THSD1: variants seen among roughly 807,000 people sequenced by gnomAD.
The protein encoded by THSD1 is thrombospondin type-1 domain-containing protein 1.
Under a neutral mutation model 46.3 loss-of-function variants are expected in THSD1, and 34 were observed. The ratio of observed to expected loss-of-function variants is 0.74; its 90% CI spans 0.56 to 0.98. The LOEUF is 0.98. Ranked by LOEUF, THSD1 falls within the 50% of genes least tolerant of loss-of-function variation. THSD1 has a pLI of 0.00. For missense variants in THSD1, 1,023 were observed against 1,058.3 expected (o/e 0.97, Z 0.46); for synonymous variants, 407 against 416.5 (o/e 0.98, Z 0.28).
At chr13:52,384,814 G>A (rs1171749246) in intron 4 of THSD1, among the ~76,000 whole-genome samples, 1 of 151,878 alleles carries the variant, frequency 6.6e-6, no homozygotes, top group African/African-American at 2.4e-5. Flanking sequence ...GACTTATAAA[G>A]AAAAGAGCAG....
Position 52,394,881 on chromosome 13 carries a change from A to G in THSD1, c.1021+2351T>C, listed in dbSNP as rs553068342. 7.2e-5 allele frequency among the ~76,000 whole-genome samples: 11 copies of G among 152,322 alleles called. 2 individuals are homozygous for G. In the South Asian group the frequency reaches 2.3e-3, roughly 32 times the overall value. On this transcript the variant is annotated intron_variant, in intron 3 of 4. Coordinates refer to ENST00000258613, the MANE Select transcript of THSD1 (RefSeq NM_018676.4). ...ATTTATAGGGGGAGAAAGATATTAAACAAGCAATGGCAGAAGTGATAAATG... is the reference window on the plus strand; with the variant it reads ...ATTTATAGGGGGAGAAAGATATTAAGCAAGCAATGGCAGAAGTGATAAATG...
At position 52,397,612 on chromosome 13, in the gene THSD1, T is replaced by C; in HGVS notation, c.641A>G (p.Tyr214Cys). The change falls in exon 3 of 5, where the codon TAT becomes TGT. Residue 214 changes from tyrosine (Y) to cysteine (C), a missense_variant. Physicochemically the swap from Tyr to Cys is radical, Grantham distance 194. Coordinates refer to ENST00000258613, the MANE Select transcript of THSD1 (RefSeq NM_018676.4). ...AAGCAGCTTCAGCACCACGGTGACA[T>C]AGGCTTCTGGCCCCAAGGGTGCACA... ...FGCAPLGPEA[Y>C]VTVVLKLLGR... is the part of the protein sequence containing the mutation. 1.2e-6 allele frequency: 2 copies of C among 1,614,174 alleles called. No individual in the cohort carries two copies. The highest frequency in any genetic ancestry group is 1.1e-5 in the South Asian group (1 of 91,082).
rs745814714 is a variant in THSD1, at chr13:52,398,047, T to C, written c.206A>G (p.Asn69Ser). 5.0e-6 allele frequency: 8 copies of C among 1,614,214 alleles called. No homozygotes were observed. Among genetic ancestry groups the C allele is most frequent in the Admixed American group, 1.7e-5 (1 of 60,020 alleles). Residue 69 changes from asparagine (N) to serine (S), a missense_variant, in exon 3 of 5, where the codon AAT (asparagine) becomes AGT (serine). By Grantham distance (46) the Asn-to-Ser change is conservative. Around this residue, in one of 3 missense-constraint regions of THSD1, gnomAD observed 429 missense variants for 518.3 expected, o/e 0.83. Coordinates refer to ENST00000258613, the MANE Select transcript of THSD1 (RefSeq NM_018676.4). ...VSVLLLEANT[N>S]QTVTTKYLLT... is the part of the protein sequence containing the mutation. ...GAGGTACTTGGTAGTTACAGTCTGA[T>C]TGGTGTTGGCCTCCAACAGCAGGAC...
rs144799411 is a variant in THSD1, at chr13:52,378,094, G to A, written c.1876C>T (p.Arg626Cys). 3 of 1,614,202 alleles carry A rather than the reference G, an allele frequency of 1.9e-6. No individual in the cohort carries two copies. The highest frequency in any genetic ancestry group is 2.5e-6 in the Non-Finnish European group (3 of 1,180,046). ...CAISPSQTLI[R>C]KSQARHVGSR... is the part of the protein sequence containing the mutation. ...CCCACGTGCCTTGCCTGTGACTTGC[G>A]GATCAGAGTCTGGCTGGGGCTTATG... Residue 626 changes from arginine to cysteine, a missense_variant, in exon 5 of 5, where the codon CGC (arginine) becomes TGC (cysteine). Arg to Cys is a radical substitution (Grantham distance 180). Coordinates refer to ENST00000258613, the MANE Select transcript of THSD1 (RefSeq NM_018676.4).
chr13:52,391,451 C>T (rs1957772525), intron 3 of THSD1, among the ~76,000 whole-genome samples: 1 of 151,778 alleles, frequency 6.6e-6, no homozygotes, highest in African/African-American at 2.4e-5. Context: ...CTCCTGAGCT[C>T]AAGTGATCCA....
chr13:52,394,161 A>G (rs1957794117), intron 3 of THSD1, among the ~76,000 whole-genome samples: 1 of 152,192 alleles, frequency 6.6e-6, no homozygotes, highest in South Asian at 2.1e-4. Context: ...ATGGAATGGA[A>G]GCATCTGTGG....
chr13:52,390,843 ATTTAT>A (rs1957767898), intron 3 of THSD1, among the ~76,000 whole-genome samples: 1 of 152,168 alleles, frequency 6.6e-6, no homozygotes, highest in African/African-American at 2.4e-5. Context: ...GCTTTATATA[ATTTAT>A]TTAAGTGCAT....
At chr13:52,392,620 G>C (rs1183647588) in intron 3 of THSD1, among the ~76,000 whole-genome samples, 1 of 152,198 alleles carries the variant, frequency 6.6e-6, no homozygotes, top group Admixed American at 6.5e-5. Context: ...GCCTATTATA[G>C]AGGGTTTTAA....
intron 1 of THSD1, among the ~76,000 whole-genome samples, chr13:52,405,532 T>C (rs575130573): frequency 6.6e-6 from 1 of 152,228 alleles, no homozygotes; most frequent in East Asian, 1.9e-4. Context: ...GTCCCACAGG[T>C]TGGGTGCAGC....
chr13:52,394,320 G>A (rs1405481387), intron 3 of THSD1, among the ~76,000 whole-genome samples: 1 of 152,068 alleles, frequency 6.6e-6, no homozygotes, highest in East Asian at 1.9e-4. Context: ...TTTTGAAAAG[G>A]CAAGAATATT....
intron 4 of THSD1, among the ~76,000 whole-genome samples, chr13:52,383,420 A>G (rs1957707126): frequency 6.6e-6 from 1 of 152,244 alleles, no homozygotes; most frequent in Non-Finnish European, 1.5e-5. Context: ...ATTCTTTTAA[A>G]GCCAAACCAA....
chr13:52,379,638 C>A (rs1957676478), intron 4 of THSD1, among the ~76,000 whole-genome samples: 1 of 152,046 alleles, frequency 6.6e-6, no homozygotes, highest in South Asian at 2.1e-4. Context: ...CCACCCCTGG[C>A]TCATTTTTTA....
chr13:52,393,406 G>T (rs1013274394), intron 3 of THSD1, among the ~76,000 whole-genome samples: 1 of 152,082 alleles, frequency 6.6e-6, no homozygotes, highest in African/African-American at 2.4e-5. Context: ...ATTATCCTAA[G>T]ATCCTCAGAC....
At chr13:52,384,201 A>G (rs921291191) in intron 4 of THSD1, 51 of 300,724 alleles carry the variant, frequency 1.7e-4, no homozygotes, top group East Asian at 6.8e-4. Flanking sequence ...AAAAAAAAAA[A>G]AAGAAGAAGA....
In THSD1 at chr13:52,403,019, A is replaced by T. The variant is rs1957876682; in HGVS notation, c.-81-338T>A. 1.9e-5 allele frequency: 16 copies of T among 857,036 alleles called. 1 individual carries two copies. The highest frequency in any genetic ancestry group is 2.2e-5 in the Non-Finnish European group (16 of 712,926). The allele number at this position is 857,036 out of a possible 1,614,324, so 53.1% of individuals were successfully genotyped here. On this transcript the variant is annotated intron_variant, in intron 1 of 4. Coordinates refer to ENST00000258613, the MANE Select transcript of THSD1 (RefSeq NM_018676.4). ...CAAAGTTAATAGCCAATTTGGATAC[A>T]TTTTCACATTATTTATCTGCTTGGC...
chr13:52,397,473 C>G lies in THSD1; in HGVS notation c.780G>C (p.Val260=). Residue 260 remains valine (V), a synonymous_variant, in exon 3 of 5, where the codon GTG becomes GTC. Coordinates refer to ENST00000258613, the MANE Select transcript of THSD1 (RefSeq NM_018676.4). ...LTCESGVEVT[V]LPPPCTFVQG... The stretch of plus-strand genomic sequence containing the variant: ...GGACGAAGGTGCATGGTGGAGGCAG[C>G]ACTGTCACCTCTACCCCGGACTCAC... 1 of 1,614,154 alleles carries G rather than the reference C, an allele frequency of 6.2e-7. No individual in the cohort carries two copies. The highest frequency in any genetic ancestry group is 8.5e-7 in the Non-Finnish European group (1 of 1,180,042).
intron 3 of THSD1, among the ~76,000 whole-genome samples, chr13:52,388,110 C>T (rs1957746962): frequency 6.7e-6 from 1 of 150,186 alleles, no homozygotes; most frequent in African/African-American, 2.5e-5. Flanking sequence ...GACTTCTTGA[C>T]AAAATTATCC....
In THSD1 at chr13:52,377,990, C is replaced by G. The variant is rs1190883116; in HGVS notation, c.1980G>C (p.Arg660Ser). Residue 660 changes from arginine to serine, a missense_variant, in exon 5 of 5, where the codon AGG (arginine) becomes AGC (serine). This residue lies in a region of THSD1 where 578 missense variants were observed against 497.4 expected (regional missense o/e 1.16). Coordinates refer to ENST00000258613, the MANE Select transcript of THSD1 (RefSeq NM_018676.4). ...TCCTCTCTCGGAACGGCCGGGCCTG[C>G]CTGGCTTCATGGAAACTCGCTGTCC... ...FRRTASFHEARQARPFRERSM... is the reference protein window; with the variant it reads ...FRRTASFHEASQARPFRERSM... 6.2e-7 allele frequency: 1 copy of G among 1,614,040 alleles called. No homozygotes were observed. Among genetic ancestry groups the G allele is most frequent in the East Asian group, 2.2e-5 (1 of 44,876 alleles).
chr13:52,384,271 T>C, intron 4 of THSD1: 1 of 370,164 alleles, frequency 2.7e-6, no homozygotes, highest in Admixed American at 3.1e-5. Context: ...TTCCAGGTTG[T>C]TGATACTTCT....
Sources: allele counts gnomAD v4.1 joint callset (sites outside exome capture counted in the v4.1 genomes callset), GRCh38; gene constraint gnomAD v4.1.1; regional missense constraint gnomAD v4.1.1; transcripts MANE v1.5; gene names NCBI Gene and HGNC (gene_info 2026-07-23, HGNC 2026-07-21).